The following SUMF1 variants were observed in gnomAD, a reference collection of about 807,000 sequenced individuals.
SUMF1 encodes the protein formylglycine-generating enzyme.
In SUMF1, 48 loss-of-function variants were observed where a neutral mutation model predicts 47.6. The observed-to-expected ratio is 1.01, with a 90% CI of 0.80 to 1.28. The LOEUF (loss-of-function observed/expected upper bound fraction) is 1.28. Ranked by LOEUF, SUMF1 falls within the 50% of genes most tolerant of loss-of-function variation. SUMF1 has a pLI of 0.00. For missense variants in SUMF1, 571 were observed against 485.4 expected (o/e 1.18, Z -1.66); for synonymous variants, 230 against 192.1 (o/e 1.20, Z -1.63).
chr3:4,130,135 C>G (rs909947719), intron 8 of SUMF1, among the ~76,000 whole-genome samples: 4 of 152,164 alleles, frequency 2.6e-5, no homozygotes, highest in African/African-American at 9.7e-5. Context: ...CCATTCAACT[C>G]TCCCATTTGG....
At chr3:4,253,171 T>C (rs1474405254) in intron 8 of SUMF1, among the ~76,000 whole-genome samples, 1 of 152,240 alleles carries the variant, frequency 6.6e-6, no homozygotes. Context: ...TTCCATCTCT[T>C]GTATTCCTCT....
At chr3:4,128,291 G>C (rs1693704742) in intron 8 of SUMF1, among the ~76,000 whole-genome samples, 1 of 152,174 alleles carries the variant, frequency 6.6e-6, no homozygotes. Flanking sequence ...TGAGGGCATT[G>C]ATTGGAAAAA....
At chr3:4,256,945 G>C (rs1307888180) in intron 8 of SUMF1, among the ~76,000 whole-genome samples, 1 of 126,302 alleles carries the variant, frequency 7.9e-6, no homozygotes, top group African/African-American at 3.3e-5. Context: ...GGGATGCAAG[G>C]CTGGTTCAAT....
intron 8 of SUMF1, among the ~76,000 whole-genome samples, chr3:4,081,128 G>A (rs1692550977): frequency 6.6e-6 from 1 of 152,062 alleles, no homozygotes; most frequent in African/African-American, 2.4e-5. Flanking sequence ...CTTATGTATT[G>A]CCTCCTATTT....
chr3:4,460,868 T>C (rs1326860943), intron 1 of SUMF1, among the ~76,000 whole-genome samples: 2 of 151,860 alleles, frequency 1.3e-5, no homozygotes, highest in Non-Finnish European at 2.9e-5. Flanking sequence ...TTGCCCAGGC[T>C]AGTCTCCAAC....
intron 8 of SUMF1, among the ~76,000 whole-genome samples, chr3:4,125,589 C>A (rs1693638019): frequency 6.6e-6 from 1 of 152,156 alleles, no homozygotes. Flanking sequence ...TTGCTGAAAT[C>A]CAAGTGCCCA....
chr3:4,437,879 C>T (rs537199022), intron 3 of SUMF1, among the ~76,000 whole-genome samples: 4 of 152,062 alleles, frequency 2.6e-5, no homozygotes, highest in African/African-American at 7.2e-5. Context: ...GCAGAGATTG[C>T]AGTGAGCTGA....
chr3:4,220,994 G>GTCTGCCCACACATATT (rs1384180683), intron 8 of SUMF1, among the ~76,000 whole-genome samples: 1 of 152,108 alleles, frequency 6.6e-6, no homozygotes. Context: ...CTACTTAACT[G>GTCTGCCCACACATATT]TCTGCCCACA....
intron 8 of SUMF1, among the ~76,000 whole-genome samples, chr3:4,268,517 T>TC (rs1697243884): frequency 6.9e-6 from 1 of 145,962 alleles, no homozygotes; most frequent in African/African-American, 2.5e-5. Context: ...TTTTTTTTTT[T>TC]CAGATCAATG....
intron 8 of SUMF1, among the ~76,000 whole-genome samples, chr3:4,301,217 C>T (rs1002943163): frequency 3.9e-5 from 6 of 152,110 alleles, no homozygotes; most frequent in Non-Finnish European, 8.8e-5. Flanking sequence ...GGTAAAGGCA[C>T]TGGAGATACA....
intron 8 of SUMF1, among the ~76,000 whole-genome samples, chr3:4,162,339 C>G (rs560536343): frequency 1.3e-5 from 2 of 152,228 alleles, no homozygotes; most frequent in South Asian, 4.1e-4. Flanking sequence ...GTTGCATGTC[C>G]CCCAGATCCA....
At chr3:4,134,961 G>C (rs2125090530) in intron 8 of SUMF1, among the ~76,000 whole-genome samples, 1 of 152,252 alleles carries the variant, frequency 6.6e-6, no homozygotes, top group South Asian at 2.1e-4. Context: ...AACAGGCTCT[G>C]AAATTGTGGC....
intron 8 of SUMF1, among the ~76,000 whole-genome samples, chr3:4,104,140 G>C (rs1258888573): frequency 6.6e-6 from 1 of 152,108 alleles, no homozygotes; most frequent in Non-Finnish European, 1.5e-5. Context: ...CAGGGACCTA[G>C]TGGCAGATAA....
chr3:4,226,426 T>C (rs922938438), intron 8 of SUMF1, among the ~76,000 whole-genome samples: 1 of 151,692 alleles, frequency 6.6e-6, no homozygotes, highest in African/African-American at 2.4e-5. Flanking sequence ...CACCCCACCA[T>C]GCCCAGCTAA....
At chr3:4,399,665 T>C (rs985669871) in intron 7 of SUMF1, among the ~76,000 whole-genome samples, 2 of 152,206 alleles carry the variant, frequency 1.3e-5, no homozygotes, top group African/African-American at 2.4e-5. Context: ...ATGAAAAAGA[T>C]GGAAAGGAAG....
intron 8 of SUMF1, among the ~76,000 whole-genome samples, chr3:4,119,839 G>A (rs1490959229): frequency 6.6e-6 from 1 of 152,066 alleles, no homozygotes; most frequent in Non-Finnish European, 1.5e-5. Context: ...TTGGTCCTTG[G>A]TTCCCCACAG....
chr3:4,257,413 T>A (rs1696980295), intron 8 of SUMF1, among the ~76,000 whole-genome samples: 3 of 146,102 alleles, frequency 2.1e-5, no homozygotes, highest in Admixed American at 1.4e-4. Flanking sequence ...TTCAGCAAAG[T>A]CTCAGGATAC....
chr3:4,102,511 C>T (rs1003026270), intron 8 of SUMF1, among the ~76,000 whole-genome samples: 18 of 152,126 alleles, frequency 1.2e-4, no homozygotes, highest in African/African-American at 3.4e-4. Context: ...TAAACTCTCA[C>T]CTTAATTTCT....
chr3:4,456,753 CGT>C (rs372417392), intron 1 of SUMF1, among the ~76,000 whole-genome samples: 655 of 19,978 alleles, frequency 0.033, 24 homozygotes, highest in African/African-American at 0.12. Flanking sequence ...CACATATATA[CGT>C]GTGTGTGTAT....
Sources: allele counts gnomAD v4.1 joint callset (sites outside exome capture counted in the v4.1 genomes callset), GRCh38; gene constraint gnomAD v4.1.1; transcripts MANE v1.5; gene names NCBI Gene and HGNC (gene_info 2026-07-23, HGNC 2026-07-21).